The following SAMSN1 variants were observed in gnomAD, a reference collection of about 807,000 sequenced individuals.
The protein encoded by SAMSN1 is SAM domain, SH3 domain and nuclear localization signals 1, also known as SAM domain-containing protein SAMSN-1.
In SAMSN1, 31 loss-of-function variants were observed where a neutral mutation model predicts 42.0. The ratio of observed to expected loss-of-function variants is 0.74; its 90% CI spans 0.55 to 1.00. The LOEUF (loss-of-function observed/expected upper bound fraction) is 1.00, where lower values mean the gene tolerates loss of function less well. Among genes scored for constraint, SAMSN1 ranks in the 50% least tolerant of loss-of-function variants. The pLI is 0.00. For missense variants in SAMSN1, 464 were observed against 439.4 expected (o/e 1.06, Z -0.50); for synonymous variants, 178 against 151.9 (o/e 1.17, Z -1.26).
At chr21:14,516,017 T>A (rs1987898196) in intron 3 of SAMSN1, among the ~76,000 whole-genome samples, 1 of 152,172 alleles carries the variant, frequency 6.6e-6, no homozygotes, top group African/African-American at 2.4e-5. Context: ...TAACAAGTGT[T>A]GGCAATGATG....
Position 14,498,525 on chromosome 21 carries a change from C to T in SAMSN1, c.836G>A (p.Ser279Asn). 1 of 1,610,926 alleles carries T rather than the reference C, an allele frequency of 6.2e-7. No homozygotes were observed. Among genetic ancestry groups the T allele is most frequent in the East Asian group, 2.2e-5 (1 of 44,742 alleles). The change falls in exon 7 of 8, where the codon AGT becomes AAT. Residue 279 changes from serine (S) to asparagine (N), a missense_variant. Ser to Asn is a conservative substitution (Grantham distance 46). Transcript: ENST00000400566. ...TTCAATATTTAATTCAATGAGGTGA[C>T]TCTCTTTTATATCTTTTAAATCTTC... ...TLEDLKDIKE[S>N]HLIELNIENP...
At chr21:14,561,073 T>C (rs1400866530) in intron 2 of SAMSN1, among the ~76,000 whole-genome samples, 1 of 152,200 alleles carries the variant, frequency 6.6e-6, no homozygotes, top group Non-Finnish European at 1.5e-5. Flanking sequence ...GTTACAATAT[T>C]TGTGACTTTC....
At chr21:14,596,976 A>G (rs1372336590) in intron 6 of SAMSN1, among the ~76,000 whole-genome samples, 1 of 152,194 alleles carries the variant, frequency 6.6e-6, no homozygotes, top group Non-Finnish European at 1.5e-5. Flanking sequence ...TTTGTAATAC[A>G]ATAGTTAAAA....
chr21:14,658,961 C>T (rs1342692023), upstream of SAMSN1: 7 of 578,998 alleles, frequency 1.2e-5, no homozygotes, highest in Non-Finnish European at 2.2e-5. Flanking sequence ...AAACAATTTC[C>T]TAAATTAATG....
At position 14,615,564 on chromosome 21, in the gene SAMSN1, C is replaced by T. The variant is rs1982813671; in HGVS notation, c.197+412G>A. On this transcript the variant is annotated intron_variant, in intron 3 of 15. Coordinates refer to the SAMSN1 transcript ENST00000647101. ...AACATGTGTATGTCATGTCCTCTGG[C>T]AGCTGGATGTGCTGAATGTAAAGCC... Among the ~76,000 whole-genome samples, 3 of 152,254 alleles carry T rather than the reference C, an allele frequency of 2.0e-5. No homozygotes were observed. The South Asian group carries it at 6.2e-4, about 32-fold the overall frequency.
intron 2 of SAMSN1, among the ~76,000 whole-genome samples, chr21:14,622,032 A>T (rs986600271): frequency 6.6e-6 from 1 of 152,244 alleles, no homozygotes; most frequent in African/African-American, 2.4e-5. Flanking sequence ...GTGGACCTCC[A>T]GCAAACACCA....
At chr21:14,641,428 C>T (rs569333539) in intron 2 of SAMSN1, among the ~76,000 whole-genome samples, 5 of 152,134 alleles carry the variant, frequency 3.3e-5, no homozygotes, top group South Asian at 2.1e-4. Flanking sequence ...TGAAGGTAAG[C>T]GCAAAACTTA....
intron 1 of SAMSN1, among the ~76,000 whole-genome samples, chr21:14,644,983 A>G (rs947961995): frequency 6.6e-5 from 10 of 152,188 alleles, no homozygotes; most frequent in African/African-American, 2.4e-4. Flanking sequence ...TTTGAGTGCC[A>G]GCTCAGCTGT....
At chr21:14,498,627 A>T in intron 6 of SAMSN1, 35 bp from the exon 7 acceptor site, 1 of 1,492,780 alleles carries the variant, frequency 6.7e-7, no homozygotes. Context: ...AATTAGTCAG[A>T]TTCAAATATT....
At chr21:14,627,929 C>T (rs1240586833) in intron 2 of SAMSN1, among the ~76,000 whole-genome samples, 1 of 152,130 alleles carries the variant, frequency 6.6e-6, no homozygotes, top group African/African-American at 2.4e-5. Context: ...CCTGAGACTT[C>T]TCCCTTGTCT....
intron 2 of SAMSN1, among the ~76,000 whole-genome samples, chr21:14,563,243 T>C (rs925280554): frequency 1.3e-5 from 2 of 152,200 alleles, no homozygotes; most frequent in African/African-American, 4.8e-5. Context: ...CCAAAATATC[T>C]TTCATTTCAT....
chr21:14,617,945 C>T (rs537133152), intron 2 of SAMSN1, among the ~76,000 whole-genome samples: 1 of 152,300 alleles, frequency 6.6e-6, no homozygotes, highest in South Asian at 2.1e-4. Flanking sequence ...GTATGGGACC[C>T]ACACAAAGCT....
In SAMSN1 at chr21:14,530,189, T is replaced by A. The variant is rs187235981; in HGVS notation, c.58-8968A>T. Among the ~76,000 whole-genome samples the A allele has an allele frequency of 6.9e-3, 1,039 of 151,630 alleles. 8 individuals are homozygous for A. The highest frequency in any genetic ancestry group is 0.012 in the Non-Finnish European group (808 of 67,808). ...AAAATTAGCCGGGCGTGGTGGCGGG[T>A]GCCTGTAGTCCCAGCTACTTGGGAG... On this transcript the variant is annotated intron_variant, in intron 1 of 7. Transcript: ENST00000400566.
intron 1 of SAMSN1, among the ~76,000 whole-genome samples, chr21:14,652,410 G>A (rs1352743387): frequency 6.6e-6 from 1 of 151,922 alleles, no homozygotes; most frequent in Non-Finnish European, 1.5e-5. Context: ...ACTCATTTTT[G>A]ACAAAGATGT....
intron 2 of SAMSN1, among the ~76,000 whole-genome samples, chr21:14,577,284 A>ATATATATATATATT (rs1460040142): frequency 1.9e-5 from 1 of 53,856 alleles, no homozygotes; most frequent in Non-Finnish European, 3.4e-5. Context: ...ATATATATAT[A>ATATATATATATATT]TTTTTTTTTT....
chr21:14,652,625 G>T (rs182203236), intron 1 of SAMSN1, among the ~76,000 whole-genome samples: 35 of 152,112 alleles, frequency 2.3e-4, no homozygotes, highest in Middle Eastern at 6.8e-3. Context: ...ACATTGGTCT[G>T]GGAAAGGATT....
intron 2 of SAMSN1, among the ~76,000 whole-genome samples, chr21:14,576,636 GTTGCGTAAAGAATT>G (rs1981475683): frequency 6.8e-6 from 1 of 146,934 alleles, no homozygotes; most frequent in Admixed American, 6.6e-5. Context: ...AACTGAAACA[GTTGCGTAAAGAATT>G]TTTCCATCAT....
intron 1 of SAMSN1, among the ~76,000 whole-genome samples, chr21:14,544,351 A>G (rs1980249604): frequency 6.6e-6 from 1 of 152,206 alleles, no homozygotes; most frequent in Non-Finnish European, 1.5e-5. Context: ...GCACCTGGAC[A>G]GATACTGCTC....
chr21:14,539,828 A>G (rs1027625211), intron 1 of SAMSN1, among the ~76,000 whole-genome samples: 1 of 152,204 alleles, frequency 6.6e-6, no homozygotes, highest in South Asian at 2.1e-4. Context: ...AAGAGCCCGC[A>G]TCGCCAAGTC....
Sources: gnomAD v4.1 joint callset for allele counts (sites outside exome capture counted in the v4.1 genomes callset) on GRCh38, gnomAD v4.1.1 for gene constraint, MANE v1.5 for transcripts, NCBI Gene and HGNC (gene_info 2026-07-23, HGNC 2026-07-21) for gene names.